The following RC3H2 variants were observed in gnomAD, a reference collection of about 807,000 sequenced individuals.
The protein encoded by RC3H2 is ring finger and CCCH-type domains 2.
A neutral mutation model predicts 133.3 loss-of-function variants in RC3H2; 31 were observed. That is an observed-to-expected ratio of 0.23 (90% CI 0.17 to 0.31). The LOEUF is 0.31. Among genes scored for constraint, RC3H2 ranks in the 10% least tolerant of loss-of-function variants. RC3H2 has a pLI of 1.00. For missense variants in RC3H2, 1,175 were observed against 1,437.2 expected, an observed-to-expected ratio of 0.82 and a Z score of 2.95; for synonymous variants, 517 against 502.2, an observed-to-expected ratio of 1.03 and a Z score of -0.40.
At chr9:122,883,112 C>A in intron 5 of RC3H2, 92 bp downstream of exon 5, 14 of 1,171,390 alleles carry the variant, frequency 1.2e-5, no homozygotes, top group Non-Finnish European at 1.7e-5. Context: ...AAGCATTCTG[C>A]ATTGCTAGGG....
chr9:122,853,447 T>TA (rs1191048200), intron 18 of RC3H2, among the ~76,000 whole-genome samples: 2 of 150,260 alleles, frequency 1.3e-5, no homozygotes, highest in Admixed American at 1.3e-4. Flanking sequence ...CCTTTTAAAT[T>TA]AAAGTAAAAA....
intron 20 of RC3H2, 79 bp downstream of exon 20, chr9:122,851,002 G>T: frequency 6.6e-7 from 1 of 1,518,554 alleles, no homozygotes; most frequent in Non-Finnish European, 9.0e-7. Context: ...ACAGCATAAA[G>T]CCAAAAATTA....
At chr9:122,885,203 G>A (rs1831862255) in intron 4 of RC3H2, among the ~76,000 whole-genome samples, 1 of 151,980 alleles carries the variant, frequency 6.6e-6, no homozygotes, top group South Asian at 2.1e-4. Flanking sequence ...AGTATTAAAA[G>A]GAAAGGAGCA....
Position 122,855,861 on chromosome 9 carries a change from A to G in RC3H2, c.2472T>C (p.Ser824=), listed in dbSNP as rs760789800. The G allele has an allele frequency of 6.2e-7, 1 of 1,612,724 alleles. No homozygotes were observed. The highest frequency in any genetic ancestry group is 1.1e-5 in the South Asian group (1 of 90,934). ...DFRADFSESV[S]GTKFEEDHLS... is the part of the protein sequence containing the mutation. ...GATGATCTTCTTCAAATTTTGTACC[A>G]CTCACACTCTCTGAGAACTGGTTAA... The change falls in exon 14 of 21, where the codon AGT becomes AGC. Residue 824 remains serine (S), a synonymous_variant. Coordinates refer to ENST00000357244, the MANE Select transcript of RC3H2 (RefSeq NM_001100588.3).
chr9:122,872,292 T>C (rs1831134724), intron 9 of RC3H2, among the ~76,000 whole-genome samples: 1 of 152,138 alleles, frequency 6.6e-6, no homozygotes, highest in South Asian at 2.1e-4. Flanking sequence ...CCAAAATATA[T>C]CCTAAGTATG....
intron 15 of RC3H2, among the ~76,000 whole-genome samples, chr9:122,854,892 C>A (rs1376672256): frequency 6.6e-6 from 1 of 151,934 alleles, no homozygotes; most frequent in Non-Finnish European, 1.5e-5. Flanking sequence ...TCACATGAGG[C>A]CAGGAGTTCC....
At chr9:122,904,285 C>G (rs1425658783) in intron 1 of RC3H2, among the ~76,000 whole-genome samples, 1 of 152,134 alleles carries the variant, frequency 6.6e-6, no homozygotes, top group African/African-American at 2.4e-5. Context: ...TTACTTTATG[C>G]CAGTGATTAC....
intron 10 of RC3H2, among the ~76,000 whole-genome samples, chr9:122,864,026 C>T (rs576127995): frequency 1.4e-4 from 22 of 152,274 alleles, no homozygotes; most frequent in South Asian, 6.2e-4. Flanking sequence ...CCTGAGCCAC[C>T]GTGCCCAGCC....
Position 122,865,592 on chromosome 9 carries a change from C to A in RC3H2, c.1391G>T (p.Gly464Val), listed in dbSNP as rs770768410. Residue 464 changes from glycine (G) to valine (V), a missense_variant, in exon 10 of 21, where the codon GGT becomes GTT. Physicochemically the swap from Gly to Val is moderately radical, Grantham distance 109 (BLOSUM62 -3). Around this residue, in one of 8 missense-constraint regions of RC3H2, gnomAD observed 490 missense variants for 492.8 expected, o/e 0.99. Coordinates refer to ENST00000357244, the MANE Select transcript of RC3H2 (RefSeq NM_001100588.3). ...TGTGGTTGTGACAGTGTTGTTTACA[C>A]CAACTTTATTTAGAAGAGGAAACGT... Reference protein sequence around the residue: ...VRTFPLLNKVGVNNTVTTTAG... With the variant: ...VRTFPLLNKVVVNNTVTTTAG... The A allele has an allele frequency of 2.5e-6, 4 of 1,614,088 alleles. No homozygotes were observed. Among genetic ancestry groups the A allele is most frequent in the East Asian group, 2.2e-5 (1 of 44,892 alleles).
intron 4 of RC3H2, among the ~76,000 whole-genome samples, chr9:122,883,718 T>C (rs1025272670): frequency 6.6e-6 from 1 of 152,186 alleles, no homozygotes; most frequent in Non-Finnish European, 1.5e-5. Context: ...TGGTGGTTCA[T>C]GCCTGTAAAT....
intron 18 of RC3H2, among the ~76,000 whole-genome samples, chr9:122,852,756 G>A (rs1194003707): frequency 4.0e-5 from 6 of 149,544 alleles, no homozygotes; most frequent in Non-Finnish European, 8.9e-5. Context: ...CGGGAGGGAG[G>A]TGGGGGGGTC....
chr9:122,854,290 G>A, intron 16 of RC3H2, 24 bp from the exon 17 acceptor site: 2 of 1,566,978 alleles, frequency 1.3e-6, no homozygotes, highest in Non-Finnish European at 8.8e-7. Flanking sequence ...TATGTTTATT[G>A]TAATAAAAGT....
rs969435289 is a variant in RC3H2, at chr9:122,854,209, G to A, written c.2958C>T (p.Asp986=). The A allele has an allele frequency of 1.9e-6, 3 of 1,613,740 alleles. No homozygotes were observed. Among genetic ancestry groups the A allele is most frequent in the Non-Finnish European group, 1.7e-6 (2 of 1,179,956 alleles). ...SGHRKHSSTG[D]LLSLELQQAK... is the part of the protein sequence containing the mutation. ...CCTGCTGAAGTTCAAGGCTCAAAAG[G>A]TCCCCAGTACTGGAATGCTTTCTAT... Residue 986 remains aspartate, a synonymous_variant, in exon 17 of 21, where the codon GAC becomes GAT. Coordinates refer to ENST00000357244, the MANE Select transcript of RC3H2 (RefSeq NM_001100588.3).
At chr9:122,868,130 C>A (rs1376591070) in intron 9 of RC3H2, among the ~76,000 whole-genome samples, 2 of 147,578 alleles carry the variant, frequency 1.4e-5, no homozygotes, top group African/African-American at 5.0e-5. Context: ...GGGTGTCAGC[C>A]CCCCGCCCGG....
chr9:122,886,121 C>A (rs1435531339), intron 4 of RC3H2, among the ~76,000 whole-genome samples: 2 of 152,116 alleles, frequency 1.3e-5, no homozygotes, highest in Admixed American at 6.6e-5. Flanking sequence ...AACTCCTGAC[C>A]TCAAGTTATC....
rs2131407732 is a variant in RC3H2 at position 122,865,417 on chromosome 9, C to A, written c.1566G>T (p.Lys522Asn). Reference sequence around the variant, plus strand: ...CATTAGCGCCAACCTTTCCCACTTTCTTCACGGTCTCCAGAGCTCTTAAGG... The same window carrying A: ...CATTAGCGCCAACCTTTCCCACTTTATTCACGGTCTCCAGAGCTCTTAAGG... ...DSTLRALETVKKVGKVGANGQ... is the reference protein window; with the variant it reads ...DSTLRALETVNKVGKVGANGQ... The change falls in exon 10 of 21, where the codon AAG becomes AAT. Residue 522 changes from lysine to asparagine, a missense_variant. Physicochemically the swap from Lys to Asn is moderately conservative, Grantham distance 94. Around this residue, in one of 8 missense-constraint regions of RC3H2, gnomAD observed 490 missense variants for 492.8 expected, o/e 0.99. Coordinates refer to ENST00000357244, the MANE Select transcript of RC3H2 (RefSeq NM_001100588.3). 1 of 1,614,226 alleles carries A rather than the reference C, an allele frequency of 6.2e-7. No individual in the cohort carries two copies. The highest frequency in any genetic ancestry group is 2.2e-5 in the East Asian group (1 of 44,888).
chr9:122,884,850 TC>T (rs1831835403), intron 4 of RC3H2, among the ~76,000 whole-genome samples: 1 of 136,220 alleles, frequency 7.3e-6, no homozygotes, highest in African/African-American at 2.8e-5. Context: ...AAAGTCCGTC[TC>T]CAAAAAAAAA....
chr9:122,892,958 T>C lies in RC3H2; in HGVS notation c.300A>G (p.Lys100=). ...AGTAGAGTGCCAAATCCTCAACGCA[T>C]TTCTTTGCAACCTCATAGTGTTTAT... ...GENKHYEVAK[K]CVEDLALYLK... The change falls in exon 3 of 21, where the codon AAA becomes AAG. Residue 100 remains lysine, a synonymous_variant. Coordinates refer to ENST00000357244, the MANE Select transcript of RC3H2 (RefSeq NM_001100588.3). The C allele has an allele frequency of 6.2e-7, 1 of 1,613,342 alleles. No individual in the cohort carries two copies. The highest frequency in any genetic ancestry group is 8.5e-7 in the Non-Finnish European group (1 of 1,179,962).
In RC3H2 at chr9:122,859,899, T is replaced by A; in HGVS notation, c.1849+18A>T. The A allele has an allele frequency of 6.4e-7, 1 of 1,551,384 alleles. No homozygotes were observed. Among genetic ancestry groups the A allele is most frequent in the South Asian group, 1.1e-5 (1 of 89,330 alleles). ...AACAATGTTTCTTTTTTTCTTAGAA[T>A]TGTCTAAAATTACTCACCTGTCTGT... On this transcript the variant is annotated intron_variant, in intron 11 of 20. Transcript: ENST00000357244.
Sources: gnomAD v4.1 joint callset for allele counts (sites outside exome capture counted in the v4.1 genomes callset) on GRCh38, gnomAD v4.1.1 for gene constraint, gnomAD v4.1.1 regional missense constraint, MANE v1.5 for transcripts, NCBI Gene and HGNC (gene_info 2026-07-23, HGNC 2026-07-21) for gene names.